PAMR1: variants seen among roughly 807,000 people sequenced by gnomAD.
PAMR1 encodes peptidase domain containing associated with muscle regeneration 1, also known as inactive serine protease PAMR1.
Under a neutral mutation model 81.8 loss-of-function variants are expected in PAMR1, and 88 were observed. The ratio of observed to expected loss-of-function variants is 1.08; its 90% CI spans 0.91 to 1.28. The LOEUF (loss-of-function observed/expected upper bound fraction) is 1.28, where lower values mean the gene tolerates loss of function less well. PAMR1 is among the 50% of genes most tolerant of loss of function. The probability of loss-of-function intolerance (pLI) is 0.00; values close to 1 mark genes in which losing one functional copy is unlikely to be tolerated. For synonymous variants in PAMR1, 336 were observed against 345.3 expected (o/e 0.97, Z 0.30); for missense variants, 935 against 919.7 (o/e 1.02, Z -0.21).
intron 3 of PAMR1, among the ~76,000 whole-genome samples, chr11:35,480,902 T>C (rs1310166995): frequency 6.6e-6 from 1 of 152,160 alleles, no homozygotes; most frequent in Non-Finnish European, 1.5e-5. Flanking sequence ...TCCCTCCCTA[T>C]GTCCATGTAT....
intron 6 of PAMR1, among the ~76,000 whole-genome samples, chr11:35,456,887 G>A (rs373970681): frequency 5.9e-5 from 9 of 152,192 alleles, no homozygotes; most frequent in African/African-American, 1.7e-4. Context: ...ATGTGCACAC[G>A]TGTGTGTACA....
chr11:35,500,101 C>A (rs1850803107), intron 1 of PAMR1, among the ~76,000 whole-genome samples: 1 of 152,188 alleles, frequency 6.6e-6, no homozygotes, highest in African/African-American at 2.4e-5. Context: ...AGAAGGAATG[C>A]AGCCCTGCCA....
intron 3 of PAMR1, among the ~76,000 whole-genome samples, chr11:35,485,026 G>A (rs761464110): frequency 3.3e-5 from 5 of 152,144 alleles, no homozygotes; most frequent in African/African-American, 9.7e-5. Context: ...CACCCAAATC[G>A]CAGTTCCTAA....
intron 4 of PAMR1, among the ~76,000 whole-genome samples, chr11:35,472,291 T>C (rs1366129070): frequency 6.6e-6 from 1 of 152,218 alleles, no homozygotes; most frequent in Non-Finnish European, 1.5e-5. Flanking sequence ...CCACAGTTTT[T>C]TCCGAAGCTG....
chr11:35,526,728 C>T (rs557856494), upstream of PAMR1, among the ~76,000 whole-genome samples: 171 of 152,324 alleles, frequency 1.1e-3, no homozygotes, highest in South Asian at 4.6e-3. Flanking sequence ...TAGGATGCTA[C>T]ATATGCAGAA....
At chr11:35,482,169 G>C (rs1850407649) in intron 3 of PAMR1, among the ~76,000 whole-genome samples, 1 of 152,112 alleles carries the variant, frequency 6.6e-6, no homozygotes, top group South Asian at 2.1e-4. Context: ...ATAGTTTTGG[G>C]CTTTATATTT....
chr11:35,451,407 T>C (rs1856416215), intron 6 of PAMR1, among the ~76,000 whole-genome samples: 1 of 152,256 alleles, frequency 6.6e-6, no homozygotes, highest in Non-Finnish European at 1.5e-5. Flanking sequence ...TATATTTCCA[T>C]AATGCTTAGA....
rs371082141 is a variant in PAMR1, at chr11:35,504,458, A to AT, written c.74-10187dup. On this transcript the variant is annotated intron_variant, in intron 1 of 10. Coordinates refer to ENST00000619888, the MANE Select transcript of PAMR1 (RefSeq NM_001001991.3). ...TAGAGTTTAAGGAAAATTGGTATTA[A>AT]TTTTTCTTTAAATGTTTGGTAGAAT... Among the ~76,000 whole-genome samples, 1,368 of 152,050 alleles carry AT rather than the reference A, an allele frequency of 9.0e-3. 22 individuals carry two copies. Among genetic ancestry groups the AT allele is most frequent in the African/African-American group, 0.031 (1,300 of 41,512 alleles).
Position 35,470,610 on chromosome 11 carries a change from C to G in PAMR1, c.703G>C (p.Glu235Gln), listed in dbSNP as rs1000103499. 3 of 1,613,754 alleles carry G rather than the reference C, an allele frequency of 1.9e-6. No individual in the cohort carries two copies. The African/African-American group carries it at 4.0e-5, about 22-fold the overall frequency. ...NFDGFHAIYE[E>Q]ITACSSSPCF... ...TCTCCTTGGCCTTTACCTGTGATCT[C>G]CTCATAAATGGCATGGAAACCGTCA... The change falls in exon 5 of 11, where the codon GAG (glutamate) becomes CAG (glutamine). Residue 235 changes from glutamate (E) to glutamine (Q), a missense_variant. Glu to Gln is a conservative substitution (Grantham distance 29, BLOSUM62 2). Transcript: ENST00000619888.
At chr11:35,459,629 G>A (rs1289433783) in intron 6 of PAMR1, among the ~76,000 whole-genome samples, 1 of 152,120 alleles carries the variant, frequency 6.6e-6, no homozygotes, top group African/African-American at 2.4e-5. Flanking sequence ...AAGATTCCTC[G>A]GCTGCTAGGC....
At chr11:35,437,467 C>G (rs1420177716) in intron 8 of PAMR1, among the ~76,000 whole-genome samples, 2 of 152,194 alleles carry the variant, frequency 1.3e-5, no homozygotes, top group African/African-American at 4.8e-5. Context: ...TGGTTTCATT[C>G]AACAAATCTT....
chr11:35,494,354 G>A, intron 1 of PAMR1, 82 bp from the exon 2 acceptor site: 1 of 1,237,046 alleles, frequency 8.1e-7, no homozygotes, highest in Non-Finnish European at 1.2e-6. Flanking sequence ...TTTGTTTTGA[G>A]ACGGAGTCTT....
At chr11:35,454,832 C>T (rs1435248138) in intron 6 of PAMR1, among the ~76,000 whole-genome samples, 1 of 152,164 alleles carries the variant, frequency 6.6e-6, no homozygotes, top group Non-Finnish European at 1.5e-5. Flanking sequence ...CAAATATGCT[C>T]GCCTTGGGCT....
At chr11:35,479,973 G>A (rs1388657715) in intron 3 of PAMR1, among the ~76,000 whole-genome samples, 1 of 152,120 alleles carries the variant, frequency 6.6e-6, no homozygotes, top group Non-Finnish European at 1.5e-5. Context: ...TGTTCATCAG[G>A]AACAATGACA....
In PAMR1 at chr11:35,432,859, G is replaced by T; in HGVS notation, c.1660C>A (p.Pro554Thr). Reference protein sequence around the residue: ...SAIILHPNYDPILLDADIAIL... With the variant: ...SAIILHPNYDTILLDADIAIL... ...GCGATGTCAGCATCAAGCAGGATGGGGTCATAGTTGGGATGCAGAATGATA... is the reference window on the plus strand; with the variant it reads ...GCGATGTCAGCATCAAGCAGGATGGTGTCATAGTTGGGATGCAGAATGATA... The change falls in exon 11 of 11, where the codon CCC becomes ACC. Residue 554 changes from proline (P) to threonine (T), a missense_variant. By Grantham distance (38) the Pro-to-Thr change is conservative. Coordinates refer to ENST00000619888, the MANE Select transcript of PAMR1 (RefSeq NM_001001991.3). 6.3e-7 allele frequency: 1 copy of T among 1,592,632 alleles called. No individual in the cohort carries two copies.
At chr11:35,447,359 C>G (rs562098636) in intron 6 of PAMR1, among the ~76,000 whole-genome samples, 2 of 152,038 alleles carry the variant, frequency 1.3e-5, no homozygotes, top group African/African-American at 2.4e-5. Context: ...CCTGCTACCA[C>G]GCCCGGCTAA....
chr11:35,441,156 T>C (rs1031530713), intron 7 of PAMR1, among the ~76,000 whole-genome samples: 1 of 152,242 alleles, frequency 6.6e-6, no homozygotes, highest in Non-Finnish European at 1.5e-5. Context: ...GCTATGTACA[T>C]GCTTATACAT....
intron 6 of PAMR1, among the ~76,000 whole-genome samples, chr11:35,442,917 T>A (rs1454946161): frequency 6.6e-6 from 1 of 152,164 alleles, no homozygotes; most frequent in African/African-American, 2.4e-5. Context: ...TTTCTTTTTT[T>A]TAATATAAAT....
chr11:35,484,780 C>T (rs1850467417), intron 3 of PAMR1, among the ~76,000 whole-genome samples: 1 of 152,196 alleles, frequency 6.6e-6, no homozygotes, highest in Non-Finnish European at 1.5e-5. Context: ...AGGCTGGGAT[C>T]ACTGCCATGC....
Sources: allele counts gnomAD v4.1 joint callset (sites outside exome capture counted in the v4.1 genomes callset), GRCh38; gene constraint gnomAD v4.1.1; transcripts MANE v1.5; gene names NCBI Gene and HGNC (gene_info 2026-07-23, HGNC 2026-07-21).